The following SCHIP1 variants were observed in gnomAD, a reference collection of about 807,000 sequenced individuals.
The protein encoded by SCHIP1 is schwannomin interacting protein 1, also known as schwannomin-interacting protein 1.
A neutral mutation model predicts 29.7 loss-of-function variants in SCHIP1; 8 were observed. The ratio of observed to expected loss-of-function variants is 0.27; its 90% CI spans 0.16 to 0.49. The LOEUF (loss-of-function observed/expected upper bound fraction) is 0.49. Ranked by LOEUF, SCHIP1 falls within the 20% of genes least tolerant of loss-of-function variation. The pLI is 0.99. For synonymous variants in SCHIP1, 76 were observed against 94.9 expected (o/e 0.80, Z 1.16); for missense variants, 193 against 294.6 (o/e 0.66, Z 2.52).
intron 5 of SCHIP1, among the ~76,000 whole-genome samples, chr3:159,891,153 C>T (rs4679866): frequency 1.9e-3 from 295 of 152,154 alleles, no homozygotes; most frequent in Middle Eastern, 3.4e-3. Context: ...GGGCAGATCA[C>T]GAGGTCAGGA....
At chr3:159,561,217 T>TA in the SCHIP1 span, among the ~76,000 whole-genome samples, 4 of 152,232 alleles carry the variant, frequency 2.6e-5, no homozygotes, top group African/African-American at 9.6e-5. Flanking sequence ...CCACAAGGAT[T>TA]ACAGTGAGGG....
Position 159,894,442 on chromosome 3 carries a change from G to A in SCHIP1, c.683+2252G>A, listed in dbSNP as rs545958971. On this transcript the variant is annotated intron_variant, in intron 6 of 6. Coordinates refer to ENST00000445224, the Ensembl canonical transcript of SCHIP1. The stretch of plus-strand genomic sequence containing the variant: ...TTTCCAGAACATGAACAGCCATGTC[G>A]TGGGTCTACAAAACAGCACCAGCAA... The A allele has an allele frequency of 3.9e-5, 6 of 152,302 alleles. No homozygotes were observed. The East Asian group carries it at 7.7e-4, about 20-fold the overall frequency. The allele number at this position is 152,302 out of a possible 1,614,324, so 9.4% of individuals were successfully genotyped here.
the SCHIP1 span, among the ~76,000 whole-genome samples, chr3:159,585,381 A>T: frequency 1.3e-5 from 2 of 152,216 alleles, no homozygotes; most frequent in South Asian, 4.2e-4. Flanking sequence ...ATTTTCTTTC[A>T]CAGGAGATTC....
the SCHIP1 span, among the ~76,000 whole-genome samples, chr3:159,344,026 A>G: frequency 2.0e-5 from 3 of 152,222 alleles, no homozygotes; most frequent in African/African-American, 7.2e-5. Flanking sequence ...ACAAACATAC[A>G]CAAATATAAA....
the SCHIP1 span, among the ~76,000 whole-genome samples, chr3:159,326,445 C>T: frequency 1.3e-5 from 2 of 152,184 alleles, no homozygotes; most frequent in South Asian, 4.1e-4. Flanking sequence ...TTAACGATTA[C>T]AATTATGTCC....
At chr3:159,586,300 C>T in the SCHIP1 span, among the ~76,000 whole-genome samples, 354 of 152,254 alleles carry the variant, frequency 2.3e-3, no homozygotes, top group Middle Eastern at 3.4e-3. Context: ...GGCTATGTCC[C>T]CTTCCTCTAG....
chr3:159,578,034 A>G, the SCHIP1 span, among the ~76,000 whole-genome samples: 1 of 152,202 alleles, frequency 6.6e-6, no homozygotes, highest in South Asian at 2.1e-4. Flanking sequence ...GTTAAAATGA[A>G]AATTCTACTC....
chr3:159,616,961 G>C, the SCHIP1 span, among the ~76,000 whole-genome samples: 4 of 152,074 alleles, frequency 2.6e-5, no homozygotes, highest in African/African-American at 9.7e-5. Context: ...TATTGCAAGC[G>C]CTCAATGCCA....
At chr3:159,580,930 T>G in the SCHIP1 span, among the ~76,000 whole-genome samples, 2 of 152,194 alleles carry the variant, frequency 1.3e-5, no homozygotes, top group Non-Finnish European at 1.5e-5. Flanking sequence ...TGGAAAAATT[T>G]AGCATTCATA....
At chr3:159,479,391 G>T in the SCHIP1 span, among the ~76,000 whole-genome samples, 1 of 152,090 alleles carries the variant, frequency 6.6e-6, no homozygotes, top group Non-Finnish European at 1.5e-5. Context: ...CATTGTATAT[G>T]ATGGAACATA....
chr3:159,496,000 G>A, the SCHIP1 span, among the ~76,000 whole-genome samples: 2 of 152,140 alleles, frequency 1.3e-5, no homozygotes, highest in Non-Finnish European at 2.9e-5. Flanking sequence ...ACAAGCAATG[G>A]GGAAAGCATT....
the SCHIP1 span, among the ~76,000 whole-genome samples, chr3:159,465,564 A>C: frequency 6.6e-6 from 1 of 152,106 alleles, no homozygotes; most frequent in South Asian, 2.1e-4. Context: ...TAAATACTGA[A>C]ATATATTTAC....
the SCHIP1 span, among the ~76,000 whole-genome samples, chr3:159,681,129 C>A: frequency 6.6e-6 from 1 of 151,962 alleles, no homozygotes; most frequent in East Asian, 1.9e-4. Flanking sequence ...TGGTATGTGT[C>A]TGTTAATCTC....
chr3:159,877,569 A>C (rs1715958031), intron 2 of SCHIP1, among the ~76,000 whole-genome samples: 1 of 152,186 alleles, frequency 6.6e-6, no homozygotes, highest in Non-Finnish European at 1.5e-5. Context: ...AAAAGTGGTA[A>C]AGCAGTGCTT....
the SCHIP1 span, among the ~76,000 whole-genome samples, chr3:159,792,531 C>T: frequency 6.6e-6 from 1 of 152,164 alleles, no homozygotes; most frequent in Non-Finnish European, 1.5e-5. Flanking sequence ...ACTTTTTAGT[C>T]ATTGTAAAAT....
At chr3:159,575,704 G>T in the SCHIP1 span, among the ~76,000 whole-genome samples, 1 of 152,022 alleles carries the variant, frequency 6.6e-6, no homozygotes, top group South Asian at 2.1e-4. Context: ...CACAGTTCTG[G>T]GATTACAGGC....
the SCHIP1 span, among the ~76,000 whole-genome samples, chr3:159,572,500 G>C: frequency 6.6e-6 from 1 of 152,260 alleles, no homozygotes; most frequent in East Asian, 1.9e-4. Context: ...TGTGATTTCT[G>C]TTCTTTTACA....
chr3:159,305,921 A>G, the SCHIP1 span, among the ~76,000 whole-genome samples: 1 of 152,132 alleles, frequency 6.6e-6, no homozygotes, highest in Non-Finnish European at 1.5e-5. Context: ...CTTCACAATC[A>G]TATTTCTTAA....
At chr3:159,633,020 C>A in the SCHIP1 span, among the ~76,000 whole-genome samples, 72 of 152,314 alleles carry the variant, frequency 4.7e-4, no homozygotes, top group African/African-American at 1.7e-3. Context: ...ACAGTGAAAA[C>A]CTTCTCCTAG....
Sources: allele counts gnomAD v4.1 joint callset (sites outside exome capture counted in the v4.1 genomes callset), GRCh38; gene constraint gnomAD v4.1.1; transcripts MANE v1.5; gene names NCBI Gene and HGNC (gene_info 2026-07-23, HGNC 2026-07-21).